Variants in PRSS12 observed in about 807,000 individuals in gnomAD.
PRSS12 encodes serine protease 12, also known as neurotrypsin.
A neutral mutation model predicts 104.4 loss-of-function variants in PRSS12; 85 were observed. The ratio of observed to expected loss-of-function variants is 0.81; its 90% CI spans 0.68 to 0.98. The LOEUF (loss-of-function observed/expected upper bound fraction) is 0.98, where lower values mean the gene tolerates loss of function less well. PRSS12 is among the 50% of genes least tolerant of loss of function. PRSS12 has a pLI of 0.00. For synonymous variants in PRSS12, 454 were observed against 425.2 expected (o/e 1.07, Z -0.83); for missense variants, 1,141 against 1,139.2 (o/e 1.00, Z -0.02).
At chr4:118,323,959 G>A (rs978829652) in intron 4 of PRSS12, among the ~76,000 whole-genome samples, 6 of 151,962 alleles carry the variant, frequency 3.9e-5, no homozygotes, top group South Asian at 2.1e-4. Flanking sequence ...GATTCCAGTG[G>A]GACAATCTTG....
intron 11 of PRSS12, among the ~76,000 whole-genome samples, chr4:118,288,824 C>T (rs1464481761): frequency 6.6e-6 from 1 of 152,156 alleles, no homozygotes; most frequent in Non-Finnish European, 1.5e-5. Flanking sequence ...TACAAAAGAA[C>T]TTAATTTAAC....
rs1480728892 is a variant in PRSS12, at chr4:118,335,794, A to G, written c.642-143T>C. ...GAAAGAAAGAAGAAAAACACAAAAG[A>G]CTACATCAGTTTCAAGGAAATCAAA... On this transcript the variant is annotated intron_variant, in intron 2 of 12. Transcript: ENST00000296498. 3.7e-6 allele frequency: 3 copies of G among 804,614 alleles called. No homozygotes were observed. In the African/African-American group the frequency reaches 5.2e-5, roughly 14 times the overall value. 49.8% of individuals were successfully genotyped at this position (804,614 alleles called of 1,614,324 possible). A position where few individuals can be genotyped will look rare whatever the true frequency, so the allele number is the denominator to read the frequency against.
At chr4:118,346,647 G>A (rs994841531) in intron 1 of PRSS12, among the ~76,000 whole-genome samples, 1 of 151,966 alleles carries the variant, frequency 6.6e-6, no homozygotes, top group African/African-American at 2.4e-5. Context: ...CCAGCAGGAG[G>A]TGACCAGGAG....
rs201801258 is a variant in PRSS12 at position 118,283,097 on chromosome 4, G to A, written c.2054C>T (p.Thr685Ile). The change falls in exon 12 of 13, where the codon ACT becomes ATT. Residue 685 changes from threonine (T) to isoleucine (I), a missense_variant. Coordinates refer to ENST00000296498, the MANE Select transcript of PRSS12 (RefSeq NM_003619.4). ...TCCAACCCTAACAGCATAGCTCCTA[G>A]TGCTGTTGCCATACCTGAGAGGCAG... is the stretch of plus-strand genomic sequence containing the variant. ...AHCFKRYGNS[T>I]RSYAVRVGDY... 1.4e-4 allele frequency: 232 copies of A among 1,614,092 alleles called. No individual in the cohort carries two copies. The highest frequency in any genetic ancestry group is 1.8e-4 in the Non-Finnish European group (217 of 1,179,980).
chr4:118,306,922 G>A (rs1442830949), intron 8 of PRSS12, among the ~76,000 whole-genome samples: 2 of 151,936 alleles, frequency 1.3e-5, no homozygotes, highest in African/African-American at 4.8e-5. Context: ...TATTTCCAAA[G>A]GTAATACTAG....
At chr4:118,299,003 C>T (rs897751491) in intron 8 of PRSS12, 65 bp from the exon 9 acceptor site, 2 of 1,521,448 alleles carry the variant, frequency 1.3e-6, no homozygotes, top group Middle Eastern at 1.9e-4. Context: ...TAAATCACAA[C>T]ATGTATTCAA....
chr4:118,289,389 G>A (rs1743082757), intron 11 of PRSS12, among the ~76,000 whole-genome samples: 1 of 152,188 alleles, frequency 6.6e-6, no homozygotes, highest in Admixed American at 6.5e-5. Context: ...CAGAAGCCCA[G>A]TAGTTGATAA....
chr4:118,316,482 T>A (rs778591574), intron 5 of PRSS12, among the ~76,000 whole-genome samples, 159 bp from the exon 6 acceptor site: 3 of 152,200 alleles, frequency 2.0e-5, no homozygotes, highest in Non-Finnish European at 4.4e-5. Context: ...TCTGAGGTTA[T>A]CATGTTGTTT....
chr4:118,313,528 C>T (rs1198170244), intron 6 of PRSS12, 131 bp from the exon 7 acceptor site: 9 of 968,490 alleles, frequency 9.3e-6, no homozygotes, highest in Non-Finnish European at 3.2e-6. Context: ...TTTCTCCTAC[C>T]TTGGGGACGC....
At chr4:118,331,659 G>C in intron 4 of PRSS12, 57 bp downstream of exon 4, 1 of 1,607,332 alleles carries the variant, frequency 6.2e-7, no homozygotes, top group East Asian at 2.2e-5. Context: ...CCTGCCTTTG[G>C]GTATGGAAAT....
rs755988413 is a variant in PRSS12 at position 118,335,528 on chromosome 4, C to T, written c.765G>A (p.Gln255=). 3 of 1,614,058 alleles carry T rather than the reference C, an allele frequency of 1.9e-6. No individual in the cohort carries two copies. The highest frequency in any genetic ancestry group is 3.3e-5 in the Admixed American group (2 of 59,988). The change falls in exon 3 of 13, where the codon CAG becomes CAA. Residue 255 remains glutamine (Q), a synonymous_variant. Coordinates refer to ENST00000296498, the MANE Select transcript of PRSS12 (RefSeq NM_003619.4). ...NILLCEKDIW[Q]GGVCPQKMAA... ...CCATCTTCTGAGGACACACCCCACCCTGCCAGATGTCTTTTTCACAAAGCA... is the reference window on the plus strand; with the variant it reads ...CCATCTTCTGAGGACACACCCCACCTTGCCAGATGTCTTTTTCACAAAGCA...
At chr4:118,297,386 T>C (rs988728646) in intron 9 of PRSS12, among the ~76,000 whole-genome samples, 1 of 152,198 alleles carries the variant, frequency 6.6e-6, no homozygotes, top group African/African-American at 2.4e-5. Flanking sequence ...GAATCAGTTA[T>C]ATCCCATTTG....
At chr4:118,304,190 A>G (rs1743475534) in intron 8 of PRSS12, among the ~76,000 whole-genome samples, 2 of 151,802 alleles carry the variant, frequency 1.3e-5, no homozygotes, top group Admixed American at 6.6e-5. Context: ...GTGTGCATAT[A>G]TGTGTGTGTA....
intron 8 of PRSS12, among the ~76,000 whole-genome samples, chr4:118,304,590 T>C (rs1001409473): frequency 2.0e-5 from 3 of 152,000 alleles, no homozygotes; most frequent in Non-Finnish European, 2.9e-5. Context: ...CAATGCTATA[T>C]TGGAACATAT....
At chr4:118,325,064 T>C (rs182131105) in intron 4 of PRSS12, among the ~76,000 whole-genome samples, 71 of 152,232 alleles carry the variant, frequency 4.7e-4, no homozygotes, top group African/African-American at 1.5e-3. Flanking sequence ...AATATCTCTT[T>C]ATCTAATCCA....
At chr4:118,304,025 A>C (rs2126030708) in intron 8 of PRSS12, 1 of 151,970 alleles carries the variant, frequency 6.6e-6, no homozygotes, top group South Asian at 2.1e-4. Context: ...TTATTTAATA[A>C]TTTTATTAAA....
intron 4 of PRSS12, among the ~76,000 whole-genome samples, chr4:118,326,519 A>G (rs1723775449): frequency 6.6e-6 from 1 of 152,214 alleles, no homozygotes; most frequent in Non-Finnish European, 1.5e-5. Flanking sequence ...AACACTGAGC[A>G]TTCTTGCAGC....
rs755127293 is a variant in PRSS12, at chr4:118,331,843, G to C, written c.844C>G (p.Leu282Val). 1.2e-6 allele frequency: 2 copies of C among 1,614,080 alleles called. No homozygotes were observed. The highest frequency in any genetic ancestry group is 1.3e-5 in the African/African-American group (1 of 75,032). Residue 282 changes from leucine to valine, a missense_variant, in exon 4 of 13, where the codon CTT becomes GTT. By Grantham distance (32) the Leu-to-Val change is conservative. Transcript: ENST00000296498. ...TCATGCACACTGCTGCCTCCAGCAA[G>C]GCGAATGATGGGGAACGTTGGGCCT... ...SHGPTFPIIR[L>V]AGGSSVHEGR... is the part of the protein sequence containing the mutation.
At chr4:118,343,018 T>A (rs1724256666) in intron 1 of PRSS12, among the ~76,000 whole-genome samples, 1 of 152,144 alleles carries the variant, frequency 6.6e-6, no homozygotes, top group South Asian at 2.1e-4. Flanking sequence ...TCAGTCTCAG[T>A]CAATACAGGT....
Sources: gnomAD v4.1 joint callset for allele counts (sites outside exome capture counted in the v4.1 genomes callset) on GRCh38, gnomAD v4.1.1 for gene constraint, MANE v1.5 for transcripts, NCBI Gene and HGNC (gene_info 2026-07-23, HGNC 2026-07-21) for gene names.